The following CERS6 variants were observed in gnomAD, a reference collection of about 807,000 sequenced individuals.
The protein encoded by CERS6 is LAG1 homolog, ceramide synthase 6.
A neutral mutation model predicts 56.8 loss-of-function variants in CERS6; 26 were observed. That is an observed-to-expected ratio of 0.46 (90% confidence interval 0.34 to 0.63). The LOEUF is 0.63. CERS6 is among the 30% of genes least tolerant of loss of function. The pLI is 0.01. For synonymous variants in CERS6, 164 were observed against 173.3 expected (o/e 0.95, Z 0.42); for missense variants, 415 against 467.5 (o/e 0.89, Z 1.04).
rs990081169 is a variant in CERS6 at position 168,456,337 on chromosome 2, C to A, written c.-112C>A. 6 of 598,652 alleles carry A rather than the reference C, an allele frequency of 1.0e-5. No individual in the cohort carries two copies. In the African/African-American group the frequency reaches 1.2e-4, roughly 12 times the overall value. 37.1% of individuals were successfully genotyped at this position (598,652 alleles called of 1,614,324 possible). ...AGGCGGCGGCGGCGGGCGGGAGCAG[C>A]GGCGGCGGCGGCACAGGCTCGGGGC... On this transcript the variant is annotated 5_prime_UTR_variant, in exon 1 of 10. Transcript: ENST00000305747. This position sits in a 1 kb window ranked among gnomAD's most constrained non-coding sequence, Gnocchi z 4.1.
chr2:168,748,963 CT>C, intron 8 of CERS6, among the ~76,000 whole-genome samples: 1 of 151,454 alleles, frequency 6.6e-6, no homozygotes, highest in Non-Finnish European at 1.5e-5. Flanking sequence ...TTCCCACCCC[CT>C]GATTCCTGCC....
At chr2:168,594,366 C>T (rs1293953645) in intron 3 of CERS6, among the ~76,000 whole-genome samples, 1 of 152,110 alleles carries the variant, frequency 6.6e-6, no homozygotes, top group Non-Finnish European at 1.5e-5. Context: ...AGGTGGATTG[C>T]TTGAGCCCAG....
chr2:168,674,783 T>C (rs1686012282), intron 4 of CERS6, among the ~76,000 whole-genome samples: 1 of 152,192 alleles, frequency 6.6e-6, no homozygotes, highest in South Asian at 2.1e-4. Context: ...TTTTCTTTTC[T>C]TGATTTGCCA....
chr2:168,534,135 T>G (rs936785777), intron 1 of CERS6, among the ~76,000 whole-genome samples: 2 of 152,070 alleles, frequency 1.3e-5, no homozygotes, highest in African/African-American at 4.8e-5. Context: ...TTATCAAGGT[T>G]CTTAGTTTCT....
intron 4 of CERS6, among the ~76,000 whole-genome samples, chr2:168,679,201 C>T (rs1686147358): frequency 6.6e-6 from 1 of 152,118 alleles, no homozygotes; most frequent in African/African-American, 2.4e-5. Flanking sequence ...AGACGTTTGT[C>T]AACAAGTGTA....
At position 168,530,320 on chromosome 2, in the gene CERS6, A is replaced by G. The variant is rs1695143598; in HGVS notation, c.171-17276A>G. On this transcript the variant is annotated intron_variant, in intron 1 of 9. Transcript: ENST00000305747. ...AGAGGGGCAGACAGTATCATTCTCCATGTGCAGAGAAGATACTGCCTTACT... is the reference window on the plus strand; with the variant it reads ...AGAGGGGCAGACAGTATCATTCTCCGTGTGCAGAGAAGATACTGCCTTACT... Among the ~76,000 whole-genome samples, 3 of 152,352 alleles carry G rather than the reference A, an allele frequency of 2.0e-5. No individual in the cohort carries two copies. In the South Asian group the frequency reaches 6.2e-4, roughly 32 times the overall value.
chr2:168,459,422 A>G (rs750765121), intron 1 of CERS6, among the ~76,000 whole-genome samples: 1 of 152,222 alleles, frequency 6.6e-6, no homozygotes, highest in Non-Finnish European at 1.5e-5. Flanking sequence ...TAGCCAGAAC[A>G]TGTCACTTTA....
intron 4 of CERS6, among the ~76,000 whole-genome samples, chr2:168,672,827 A>T (rs1685956478): frequency 6.6e-6 from 1 of 152,184 alleles, no homozygotes. Context: ...CCAAAAAATG[A>T]TTACACAATT....
At chr2:168,586,273 G>A (rs1363488262) in intron 3 of CERS6, among the ~76,000 whole-genome samples, 1 of 150,074 alleles carries the variant, frequency 6.7e-6, no homozygotes, top group African/African-American at 2.5e-5. Context: ...TTAGATAGTC[G>A]AAGATGACAC....
At chr2:168,460,953 G>C (rs1324472116) in intron 1 of CERS6, among the ~76,000 whole-genome samples, 2 of 152,104 alleles carry the variant, frequency 1.3e-5, no homozygotes, top group Non-Finnish European at 2.9e-5. Context: ...CTAGCCTTGG[G>C]TGAGGCCTTC....
intron 8 of CERS6, among the ~76,000 whole-genome samples, chr2:168,719,345 T>C (rs1247806373): frequency 6.6e-6 from 1 of 152,190 alleles, no homozygotes; most frequent in African/African-American, 2.4e-5. Flanking sequence ...ATAGTTTTGT[T>C]GCATTTACTG....
intron 6 of CERS6, among the ~76,000 whole-genome samples, chr2:168,708,668 C>T (rs1290357716): frequency 6.6e-6 from 1 of 152,050 alleles, no homozygotes; most frequent in Non-Finnish European, 1.5e-5. Context: ...AGCTAATATG[C>T]GTCATTTGCA....
chr2:168,645,140 TATAGAGAGAGAGAGAG>T (rs1383085993), intron 4 of CERS6, among the ~76,000 whole-genome samples: 26 of 23,646 alleles, frequency 1.1e-3, no homozygotes, highest in African/African-American at 4.0e-3. Flanking sequence ...TATATATATA[TATAGAGAGAGAGAGAG>T]AGAGAGAGAG....
intron 4 of CERS6, among the ~76,000 whole-genome samples, chr2:168,639,887 A>G (rs1232874945): frequency 6.6e-6 from 1 of 152,112 alleles, no homozygotes; most frequent in Admixed American, 6.5e-5. Flanking sequence ...CTTCTCATTT[A>G]TTAATGCACA....
intron 4 of CERS6, among the ~76,000 whole-genome samples, chr2:168,669,232 G>A (rs540572621): frequency 6.6e-6 from 1 of 152,290 alleles, no homozygotes; most frequent in Admixed American, 6.5e-5. Context: ...GGTGCAAGAT[G>A]GCTGCTGGAA....
At chr2:168,462,635 T>G (rs951714175) in intron 1 of CERS6, among the ~76,000 whole-genome samples, 1 of 152,144 alleles carries the variant, frequency 6.6e-6, no homozygotes, top group African/African-American at 2.4e-5. Context: ...GCCTTGAGGC[T>G]CAAACAACCC....
At chr2:168,573,566 C>G (rs1559003827) in intron 3 of CERS6, among the ~76,000 whole-genome samples, 1 of 152,196 alleles carries the variant, frequency 6.6e-6, no homozygotes, top group Admixed American at 6.5e-5. Context: ...TTCTGCCAGA[C>G]ATTCCAACCT....
chr2:168,503,509 A>G (rs1311377361), intron 1 of CERS6, among the ~76,000 whole-genome samples: 1 of 152,210 alleles, frequency 6.6e-6, no homozygotes, highest in Non-Finnish European at 1.5e-5. Flanking sequence ...AATGTGGAAT[A>G]CATAGTGAGA....
chr2:168,482,689 GCAGTGGCACGGAGCTGAAGGCAGTTTTT>G (rs2105333755), intron 1 of CERS6, among the ~76,000 whole-genome samples: 1 of 152,368 alleles, frequency 6.6e-6, no homozygotes, highest in Non-Finnish European at 1.5e-5. Flanking sequence ...TTTGATTAGT[GCAGTGGCACGGAGCTGAAGGCAGTTTTT>G]CAGTTTGCAG....
Sources: allele counts gnomAD v4.1 joint callset (sites outside exome capture counted in the v4.1 genomes callset), GRCh38; gene constraint gnomAD v4.1.1; non-coding constraint Gnocchi (gnomAD v3.1); transcripts MANE v1.5; gene names NCBI Gene and HGNC (gene_info 2026-07-23, HGNC 2026-07-21).